Variants in DPYD observed in about 807,000 individuals in gnomAD.
DPYD encodes dihydropyrimidine dehydrogenase.
In DPYD, 109 loss-of-function variants were observed where a neutral mutation model predicts 116.2. The ratio of observed to expected loss-of-function variants is 0.94; its 90% CI spans 0.80 to 1.10. The LOEUF is 1.10. DPYD is among the 50% of genes least tolerant of loss of function. DPYD has a pLI of 0.00. For missense variants in DPYD, 1,302 were observed against 1,254.5 expected (o/e 1.04, Z -0.57); for synonymous variants, 440 against 432.0 (o/e 1.02, Z -0.23).
intron 3 of DPYD, among the ~76,000 whole-genome samples, chr1:97,774,371 CTT>C (rs1191472414): frequency 1.3e-5 from 2 of 152,182 alleles, no homozygotes; most frequent in African/African-American, 4.8e-5. Flanking sequence ...GACTTCGTCT[CTT>C]GTCTCTCTCT....
At chr1:97,534,456 G>T (rs1425974500) in intron 12 of DPYD, among the ~76,000 whole-genome samples, 3 of 152,036 alleles carry the variant, frequency 2.0e-5, no homozygotes, top group Non-Finnish European at 4.4e-5. Flanking sequence ...AAAGTAAGCT[G>T]GTTATTGAAA....
intron 8 of DPYD, among the ~76,000 whole-genome samples, chr1:97,609,064 A>G (rs796537223): frequency 1.3e-5 from 2 of 152,164 alleles, no homozygotes; most frequent in African/African-American, 4.8e-5. Flanking sequence ...AATGAATTAC[A>G]TTCCAAATGC....
chr1:97,823,304 G>A (rs1233444501), intron 3 of DPYD, among the ~76,000 whole-genome samples: 3 of 152,030 alleles, frequency 2.0e-5, no homozygotes, highest in Non-Finnish European at 1.5e-5. Context: ...ACAGGCCCCC[G>A]CCACCATACC....
chr1:97,216,809 A>C lies in DPYD; in HGVS notation c.2442+18043T>G, dbSNP rs559900985. Among the ~76,000 whole-genome samples, 99 of 151,632 alleles carry C rather than the reference A, an allele frequency of 6.5e-4. 1 individual carries two copies. The highest frequency in any genetic ancestry group is 5.2e-3 in the Admixed American group (80 of 15,244). On this transcript the variant is annotated intron_variant, in intron 19 of 22. Transcript: ENST00000370192. Reference sequence around the variant, plus strand: ...CACTCGTCTCAAACAACAACAACAAAAAAGTGTTTGAGAAGAGGATGCAGA... The same window carrying C: ...CACTCGTCTCAAACAACAACAACAACAAAGTGTTTGAGAAGAGGATGCAGA...
At position 97,751,207 on chromosome 1, in the gene DPYD, G is replaced by C. The variant is rs371860743; in HGVS notation, c.234-10728C>G. On this transcript the variant is annotated intron_variant, in intron 3 of 22. Transcript: ENST00000370192. The stretch of plus-strand genomic sequence containing the variant: ...TAAGTTCTGTGCTGGCAAAAGGGAG[G>C]AGTTACTGGAACCTACTTAGAAGAG... Among the ~76,000 whole-genome samples, 7 of 151,154 alleles carry C rather than the reference G, an allele frequency of 4.6e-5. No individual in the cohort carries two copies. In the South Asian group the frequency reaches 1.5e-3, roughly 32 times the overall value.
chr1:97,363,178 T>C (rs891003691), intron 16 of DPYD, among the ~76,000 whole-genome samples: 5 of 152,182 alleles, frequency 3.3e-5, no homozygotes, highest in Non-Finnish European at 5.9e-5. Flanking sequence ...AAGACACTTA[T>C]GCAGCCACAG....
chr1:97,790,325 A>G (rs1667251859), intron 3 of DPYD, among the ~76,000 whole-genome samples: 1 of 152,210 alleles, frequency 6.6e-6, no homozygotes, highest in African/African-American at 2.4e-5. Flanking sequence ...CTTTTCTTGC[A>G]TAAGAAAGAG....
At chr1:97,832,270 G>A (rs751495090) in intron 2 of DPYD, among the ~76,000 whole-genome samples, 17 of 152,096 alleles carry the variant, frequency 1.1e-4, no homozygotes, top group Non-Finnish European at 8.8e-5. Flanking sequence ...AAGGGATAAA[G>A]CAGGGATTTG....
At chr1:97,416,499 TC>T (rs1315606425) in intron 14 of DPYD, among the ~76,000 whole-genome samples, 1 of 152,212 alleles carries the variant, frequency 6.6e-6, no homozygotes, top group African/African-American at 2.4e-5. Flanking sequence ...AAAATGCTAT[TC>T]TGTTTTAGTT....
At chr1:97,289,635 C>T (rs1456420699) in intron 18 of DPYD, among the ~76,000 whole-genome samples, 11 of 152,112 alleles carry the variant, frequency 7.2e-5, no homozygotes, top group Non-Finnish European at 1.2e-4. Flanking sequence ...CAAAATTTAA[C>T]AACCCTTCAT....
chr1:97,613,545 T>C (rs1241782090), intron 8 of DPYD, among the ~76,000 whole-genome samples: 2 of 152,040 alleles, frequency 1.3e-5, no homozygotes, highest in African/African-American at 4.8e-5. Context: ...AGTGTGCTGG[T>C]GAGACTTTCC....
intron 3 of DPYD, among the ~76,000 whole-genome samples, chr1:97,816,389 AT>A (rs534683161): frequency 6.2e-4 from 95 of 152,328 alleles, no homozygotes; most frequent in African/African-American, 2.0e-3. Context: ...TAAATTTTTA[AT>A]AAAAGTAATT....
intron 18 of DPYD, among the ~76,000 whole-genome samples, chr1:97,287,670 G>T (rs534926372): frequency 2.0e-5 from 3 of 152,112 alleles, no homozygotes; most frequent in Admixed American, 1.3e-4. Context: ...CCGCCTTGCA[G>T]TTTGATCTCA....
intron 13 of DPYD, among the ~76,000 whole-genome samples, chr1:97,510,842 C>T (rs559006920): frequency 6.6e-6 from 1 of 152,052 alleles, no homozygotes; most frequent in East Asian, 1.9e-4. Context: ...CACTCTTGTC[C>T]TCCTAGAACA....
chr1:97,092,276 T>C (rs1309010626), intron 21 of DPYD, among the ~76,000 whole-genome samples: 2 of 152,190 alleles, frequency 1.3e-5, no homozygotes, highest in African/African-American at 4.8e-5. Context: ...CGGAACATAG[T>C]GGTTGCACAT....
chr1:97,228,921 C>T lies in DPYD; in HGVS notation c.2442+5931G>A, dbSNP rs1227451987. 7.2e-5 allele frequency among the ~76,000 whole-genome samples: 11 copies of T among 151,908 alleles called. No homozygotes were observed. The East Asian group carries it at 7.7e-4, about 11-fold the overall frequency. On this transcript the variant is annotated intron_variant, in intron 19 of 22. Coordinates refer to ENST00000370192, the MANE Select transcript of DPYD (RefSeq NM_000110.4). ...GCAAGAAAGAATTTGAGGCTGGGTG[C>T]GGTGGCTCATGCCTGTCTGTAATCC...
At chr1:97,735,957 C>A (rs1233200157) in intron 4 of DPYD, among the ~76,000 whole-genome samples, 1 of 151,694 alleles carries the variant, frequency 6.6e-6, no homozygotes, top group Non-Finnish European at 1.5e-5. Flanking sequence ...TGTATGAAAC[C>A]TAAGAGTCAT....
Position 97,338,134 on chromosome 1 carries a change from C to A in DPYD, c.2059-31837G>T, listed in dbSNP as rs535009967. Among the ~76,000 whole-genome samples, 5 of 152,250 alleles carry A rather than the reference C, an allele frequency of 3.3e-5. No homozygotes were observed. In the South Asian group the frequency reaches 1.0e-3, roughly 32 times the overall value. Reference sequence around the variant, plus strand: ...ATTATGGTGTCATTATTTTCACCTGCCACTTTAACCCCACAGCTATTTTTA... The same window carrying A: ...ATTATGGTGTCATTATTTTCACCTGACACTTTAACCCCACAGCTATTTTTA... On this transcript the variant is annotated intron_variant, in intron 16 of 22. Transcript: ENST00000370192.
chr1:97,342,132 C>G, intron 16 of DPYD, among the ~76,000 whole-genome samples: 1 of 151,996 alleles, frequency 6.6e-6, no homozygotes. Flanking sequence ...ATAATGGAGT[C>G]CTTAAACTAA....
Sources: gnomAD v4.1 joint callset for allele counts (sites outside exome capture counted in the v4.1 genomes callset) on GRCh38, gnomAD v4.1.1 for gene constraint, MANE v1.5 for transcripts, NCBI Gene and HGNC (gene_info 2026-07-23, HGNC 2026-07-21) for gene names.